CFAP44: variants seen among roughly 807,000 people sequenced by gnomAD.
CFAP44 encodes the protein cilia and flagella associated protein 44.
In CFAP44, 134 loss-of-function variants were observed where a neutral mutation model predicts 216.2. The ratio of observed to expected loss-of-function variants is 0.62; its 90% CI spans 0.54 to 0.72. CFAP44 has a LOEUF of 0.72. CFAP44 is among the 30% of genes least tolerant of loss of function. The probability of loss-of-function intolerance (pLI) is 0.00; values close to 1 mark genes in which losing one functional copy is unlikely to be tolerated. For synonymous variants in CFAP44, 700 were observed against 727.6 expected (o/e 0.96, Z 0.61); for missense variants, 2,035 against 2,182.1 (o/e 0.93, Z 1.34).
intron 26 of CFAP44, among the ~76,000 whole-genome samples, chr3:113,328,195 A>G (rs770527075): frequency 6.6e-6 from 1 of 151,622 alleles, no homozygotes; most frequent in Non-Finnish European, 1.5e-5. Context: ...GTAAGCACAA[A>G]TAAATACGTT....
intron 1 of CFAP44, 145 bp from the exon 2 acceptor site, chr3:113,433,814 G>A: frequency 1.6e-6 from 1 of 626,266 alleles, no homozygotes; most frequent in Non-Finnish European, 2.8e-6. Flanking sequence ...CCCACCAGTA[G>A]GAGGGTGCAA....
rs1410648073 is a variant in CFAP44 at position 113,423,763 on chromosome 3, AG to A, written c.407+2360del. On this transcript the variant is annotated intron_variant, in intron 4 of 34. Transcript: ENST00000393845. ...ACTTTAGCCAAATTAAATTTAACAG[AG>A]TTTAATTGAGCAAAGAACCATTCAA... Among the ~76,000 whole-genome samples the A allele has an allele frequency of 2.0e-5, 3 of 152,360 alleles. No homozygotes were observed. In the East Asian group the frequency reaches 5.8e-4, roughly 29 times the overall value.
intron 18 of CFAP44, among the ~76,000 whole-genome samples, chr3:113,366,777 G>A (rs371192800): frequency 1.1e-4 from 17 of 152,344 alleles, no homozygotes; most frequent in East Asian, 3.9e-4. Flanking sequence ...CCTGGGAAGC[G>A]CAAGGGGTCA....
At chr3:113,292,704 A>T (rs1242599146) in intron 34 of CFAP44, among the ~76,000 whole-genome samples, 1 of 152,240 alleles carries the variant, frequency 6.6e-6, no homozygotes. Flanking sequence ...TGATGCTAAA[A>T]GTCCATACTT....
At chr3:113,313,097 G>T (rs539717265) in intron 28 of CFAP44, among the ~76,000 whole-genome samples, 3 of 152,214 alleles carry the variant, frequency 2.0e-5, no homozygotes, top group African/African-American at 7.2e-5. Flanking sequence ...TGGAAAAGCC[G>T]CAGACGCTCA....
At chr3:113,334,037 C>T (rs572506572) in intron 24 of CFAP44, among the ~76,000 whole-genome samples, 1 of 151,944 alleles carries the variant, frequency 6.6e-6, no homozygotes, top group East Asian at 1.9e-4. Context: ...CTACAACCTC[C>T]ACCTCCCAGG....
intron 15 of CFAP44, among the ~76,000 whole-genome samples, chr3:113,381,495 T>A (rs2171293): frequency 6.6e-6 from 1 of 151,966 alleles, no homozygotes; most frequent in Non-Finnish European, 1.5e-5. Context: ...CCTCTATCTG[T>A]CTCAGTTTAA....
At chr3:113,345,384 G>T (rs1210170062) in intron 22 of CFAP44, among the ~76,000 whole-genome samples, 1 of 151,950 alleles carries the variant, frequency 6.6e-6, no homozygotes, top group Non-Finnish European at 1.5e-5. Flanking sequence ...AAATTACATG[G>T]TATGTGTGGT....
chr3:113,349,527 G>T (rs971586206), intron 22 of CFAP44, among the ~76,000 whole-genome samples: 1 of 152,228 alleles, frequency 6.6e-6, no homozygotes. Flanking sequence ...GGTAGGGCTT[G>T]TTATCTGTGT....
chr3:113,416,285 C>T (rs950541249), intron 6 of CFAP44, among the ~76,000 whole-genome samples: 3 of 152,024 alleles, frequency 2.0e-5, no homozygotes, highest in African/African-American at 7.2e-5. Flanking sequence ...TCCAGAATTA[C>T]AGCACACCAA....
intron 28 of CFAP44, among the ~76,000 whole-genome samples, chr3:113,314,911 C>T (rs1324220308): frequency 6.6e-6 from 1 of 151,844 alleles, no homozygotes; most frequent in Non-Finnish European, 1.5e-5. Flanking sequence ...ATATAAAGAG[C>T]AACAACTTAA....
chr3:113,291,686 C>G lies in CFAP44; in HGVS notation c.5436G>C (p.Leu1812Phe), dbSNP rs1384685468. The G allele has an allele frequency of 3.9e-6, 6 of 1,537,176 alleles. No individual in the cohort carries two copies. In the South Asian group the frequency reaches 7.1e-5, roughly 18 times the overall value. Residue 1812 changes from leucine to phenylalanine, a missense_variant, in exon 35 of 35, where the codon TTG becomes TTC. Leu to Phe is a conservative substitution (Grantham distance 22). Transcript: ENST00000393845. ...DVVAREEVTELIQLQAERISA... is the reference protein window; with the variant it reads ...DVVAREEVTEFIQLQAERISA... Reference sequence around the variant, plus strand: ...AAATCCTTTCCGCCTGGAGTTGGATCAATTCAGTGACCTCCTCTCTTGCCA... The same window carrying G: ...AAATCCTTTCCGCCTGGAGTTGGATGAATTCAGTGACCTCCTCTCTTGCCA...
chr3:113,381,051 T>A lies in CFAP44; in HGVS notation c.1900A>T (p.Thr634Ser), dbSNP rs986421150. 2.6e-6 allele frequency: 4 copies of A among 1,561,384 alleles called. No homozygotes were observed. The African/African-American group carries it at 4.1e-5, about 16-fold the overall frequency. ...MWSPMSHPES[T>S]LLIICENGYI... ...CCATTTTCACAGATAATTAGTAAAG[T>A]ACTTTCAGGCTAAAAAAGAAAAATT... The change falls in exon 16 of 35, where the codon ACT becomes TCT. Residue 634 changes from threonine (T) to serine (S), a missense_variant. Coordinates refer to ENST00000393845, the MANE Select transcript of CFAP44 (RefSeq NM_001164496.2).
intron 6 of CFAP44, among the ~76,000 whole-genome samples, chr3:113,412,506 C>T (rs1445894904): frequency 6.6e-6 from 1 of 151,718 alleles, no homozygotes; most frequent in Non-Finnish European, 1.5e-5. Context: ...TTGACCTGTC[C>T]TCTAAGTTCC....
At chr3:113,376,928 G>A (rs1933362354) in intron 17 of CFAP44, among the ~76,000 whole-genome samples, 1 of 152,160 alleles carries the variant, frequency 6.6e-6, no homozygotes, top group African/African-American at 2.4e-5. Flanking sequence ...AAGTTTTTGA[G>A]AAAATGAGAA....
rs1232530929 is a variant in CFAP44, at chr3:113,400,557, T to C, written c.1462A>G (p.Thr488Ala). 6 of 1,605,956 alleles carry C rather than the reference T, an allele frequency of 3.7e-6. No homozygotes were observed. The South Asian group carries it at 6.7e-5, about 18-fold the overall frequency. ...AGTTCCTACTTACAGTCCAAGGCAG[T>C]TGTGGCCATGAGATAAGTGAGAGGA... ...VSPLTYLMAT[T>A]ALDCSVRIYD... The change falls in exon 12 of 35, where the codon ACT (threonine) becomes GCT (alanine). Residue 488 changes from threonine to alanine, a missense_variant. Physicochemically the swap from Thr to Ala is moderately conservative, Grantham distance 58. Coordinates refer to ENST00000393845, the MANE Select transcript of CFAP44 (RefSeq NM_001164496.2).
intron 28 of CFAP44, among the ~76,000 whole-genome samples, chr3:113,311,394 G>A (rs1276836949): frequency 1.3e-5 from 2 of 152,212 alleles, no homozygotes; most frequent in Non-Finnish European, 2.9e-5. Context: ...CCCCCATACT[G>A]TTCTCATGGT....
intron 28 of CFAP44, among the ~76,000 whole-genome samples, chr3:113,322,996 G>A (rs528344354): frequency 1.3e-4 from 20 of 152,286 alleles, no homozygotes; most frequent in Admixed American, 3.3e-4. Flanking sequence ...AGTTGGCGGC[G>A]GGGAAGCCCC....
intron 1 of CFAP44, among the ~76,000 whole-genome samples, chr3:113,435,561 C>T (rs1490251888): frequency 1.3e-5 from 2 of 151,380 alleles, no homozygotes; most frequent in African/African-American, 4.9e-5. Context: ...GCCAAACTGT[C>T]TCTAAAAAAA....
Sources: allele counts gnomAD v4.1 joint callset (sites outside exome capture counted in the v4.1 genomes callset), GRCh38; gene constraint gnomAD v4.1.1; transcripts MANE v1.5; gene names NCBI Gene and HGNC (gene_info 2026-07-23, HGNC 2026-07-21).